The following GPHN variants were observed in gnomAD, a reference collection of about 807,000 sequenced individuals.
GPHN encodes the protein gephyrin.
Under a neutral mutation model 95.5 loss-of-function variants are expected in GPHN, and 17 were observed. The ratio of observed to expected loss-of-function variants is 0.18; its 90% CI spans 0.12 to 0.27. The LOEUF (loss-of-function observed/expected upper bound fraction) is 0.27. GPHN is among the 10% of genes least tolerant of loss of function. GPHN has a pLI of 1.00. For synonymous variants in GPHN, 320 were observed against 322.5 expected, an observed-to-expected ratio of 0.99 and a Z score of 0.08; for missense variants, 660 against 978.1, an observed-to-expected ratio of 0.67 and a Z score of 4.34.
At chr14:66,672,415 T>C (rs932762497) in intron 1 of GPHN, among the ~76,000 whole-genome samples, 1 of 152,196 alleles carries the variant, frequency 6.6e-6, no homozygotes, top group Non-Finnish European at 1.5e-5. Flanking sequence ...TAGATGAGAG[T>C]ATATCAAATT....
downstream of GPHN, among the ~76,000 whole-genome samples, chr14:67,186,007 T>C (rs1343961792): frequency 6.6e-6 from 1 of 152,232 alleles, no homozygotes; most frequent in Non-Finnish European, 1.5e-5. Context: ...CTGTGTTATG[T>C]TGTTACAGAA....
chr14:67,531,871 C>T, the GPHN span, among the ~76,000 whole-genome samples: 1 of 125,340 alleles, frequency 8.0e-6, no homozygotes, highest in Non-Finnish European at 1.6e-5. Context: ...TGTGCCACTG[C>T]AATCCAGCCT....
chr14:66,681,284 A>G (rs955895081), intron 2 of GPHN, 99 bp downstream of exon 2: 10 of 784,992 alleles, frequency 1.3e-5, no homozygotes, highest in African/African-American at 3.5e-5. Flanking sequence ...TTAAGGTACA[A>G]CAATTTTTTC....
the GPHN span, chr14:67,338,580 AG>A: frequency 1.5e-5 from 23 of 1,584,312 alleles, no homozygotes; most frequent in Non-Finnish European, 2.0e-5. Context: ...ATTAAAATGA[AG>A]CCAGTGTTAG....
At chr14:67,279,167 A>G in the GPHN span, 1 of 1,563,190 alleles carries the variant, frequency 6.4e-7, no homozygotes, top group East Asian at 2.3e-5. Context: ...TTTCATAGAT[A>G]ACCATGACAA....
intron 9 of GPHN, among the ~76,000 whole-genome samples, chr14:66,968,174 C>T (rs148722000): frequency 1.2e-3 from 189 of 151,508 alleles, no homozygotes; most frequent in African/African-American, 4.2e-3. Flanking sequence ...AATTTGGGGC[C>T]GAGAAGTCCA....
chr14:67,523,899 G>A, the GPHN span, among the ~76,000 whole-genome samples: 3 of 133,574 alleles, frequency 2.2e-5, no homozygotes, highest in African/African-American at 8.1e-5. Flanking sequence ...ACCTCTCTAG[G>A]GAATACAGTA....
the GPHN span, among the ~76,000 whole-genome samples, chr14:67,698,985 T>G: frequency 6.6e-6 from 1 of 152,132 alleles, no homozygotes; most frequent in Admixed American, 6.5e-5. Flanking sequence ...GCATGTTGGC[T>G]CATGCCTGTA....
chr14:67,205,560 G>A, the GPHN span, among the ~76,000 whole-genome samples: 1 of 152,106 alleles, frequency 6.6e-6, no homozygotes, highest in African/African-American at 2.4e-5. Context: ...ATGGAAATAG[G>A]ATAATAAAAA....
At chr14:67,713,512 G>A in the GPHN span, among the ~76,000 whole-genome samples, 1 of 151,370 alleles carries the variant, frequency 6.6e-6, no homozygotes, top group Non-Finnish European at 1.5e-5. Flanking sequence ...CCAGACCTCA[G>A]CAAATTGTCC....
the GPHN span, chr14:67,674,507 A>C: frequency 6.4e-7 from 1 of 1,570,662 alleles, no homozygotes; most frequent in South Asian, 1.2e-5. Flanking sequence ...GCCGCGCTGG[A>C]GCAGCGGCCA....
intron 1 of GPHN, among the ~76,000 whole-genome samples, chr14:66,583,896 A>C (rs1485744443): frequency 6.6e-6 from 1 of 151,876 alleles, no homozygotes; most frequent in Non-Finnish European, 1.5e-5. Context: ...TATGAACTTT[A>C]AAGTAGTTTT....
chr14:67,062,932 C>T (rs747272644), intron 11 of GPHN, among the ~76,000 whole-genome samples: 1 of 152,106 alleles, frequency 6.6e-6, no homozygotes, highest in Non-Finnish European at 1.5e-5. Flanking sequence ...TTAATTAGAT[C>T]CCATTCATCA....
chr14:67,713,277 C>CAA, the GPHN span, among the ~76,000 whole-genome samples: 30 of 148,602 alleles, frequency 2.0e-4, no homozygotes, highest in African/African-American at 7.2e-4. Context: ...AAAAACAAAA[C>CAA]AAAAAAAAAC....
chr14:67,252,597 G>C, the GPHN span, among the ~76,000 whole-genome samples: 3 of 152,152 alleles, frequency 2.0e-5, no homozygotes, highest in African/African-American at 7.2e-5. Flanking sequence ...TAGCTTGTGG[G>C]ATCTGATTGT....
intron 5 of GPHN, among the ~76,000 whole-genome samples, chr14:66,883,248 T>C (rs1175015756): frequency 1.3e-5 from 2 of 151,946 alleles, no homozygotes; most frequent in Admixed American, 6.6e-5. Flanking sequence ...ATTTCTATGA[T>C]CTATCTTCAA....
At chr14:66,626,449 A>T (rs1483072078) in intron 1 of GPHN, among the ~76,000 whole-genome samples, 27 of 152,126 alleles carry the variant, frequency 1.8e-4, no homozygotes, top group Admixed American at 1.8e-3. Context: ...TCACCGAAGG[A>T]TGAAGATTTA....
the GPHN span, among the ~76,000 whole-genome samples, chr14:67,349,563 G>C: frequency 1.3e-5 from 2 of 152,148 alleles, no homozygotes; most frequent in African/African-American, 4.8e-5. Context: ...GGCAGGGTGC[G>C]ATAGCTCACG....
At chr14:67,367,775 G>A in the GPHN span, among the ~76,000 whole-genome samples, 1 of 151,864 alleles carries the variant, frequency 6.6e-6, no homozygotes, top group South Asian at 2.1e-4. Context: ...GGCGGAGGCT[G>A]CAGTGAGCCA....
Sources: allele counts gnomAD v4.1 joint callset (sites outside exome capture counted in the v4.1 genomes callset), GRCh38; gene constraint gnomAD v4.1.1; transcripts MANE v1.5; gene names NCBI Gene and HGNC (gene_info 2026-07-23, HGNC 2026-07-21).